B4GALT5: variants seen among roughly 807,000 people sequenced by gnomAD.
B4GALT5 encodes beta-1,4-galactosyltransferase 5.
Under a neutral mutation model 45.0 loss-of-function variants are expected in B4GALT5, and 11 were observed. The observed-to-expected ratio is 0.24, with a 90% CI of 0.15 to 0.40. The LOEUF (loss-of-function observed/expected upper bound fraction) is 0.40, where lower values mean the gene tolerates loss of function less well. B4GALT5 is among the 10% of genes least tolerant of loss of function. The pLI is 1.00. For missense variants in B4GALT5, 337 were observed against 500.2 expected, an observed-to-expected ratio of 0.67 and a Z score of 3.11; for synonymous variants, 185 against 182.9, an observed-to-expected ratio of 1.01 and a Z score of -0.09.
At chr20:49,712,532 G>C (rs1274903859) in intron 1 of B4GALT5, among the ~76,000 whole-genome samples, 1 of 152,130 alleles carries the variant, frequency 6.6e-6, no homozygotes, top group Non-Finnish European at 1.5e-5. Flanking sequence ...ACTTTGAAAA[G>C]AAGGAGTACC....
At chr20:49,644,931 A>AT (rs934690700) in intron 3 of B4GALT5, among the ~76,000 whole-genome samples, 12 of 152,316 alleles carry the variant, frequency 7.9e-5, no homozygotes, top group African/African-American at 2.9e-4. Context: ...TTAAAAAAAA[A>AT]CAATTTTAAA....
At chr20:49,676,398 C>T (rs976569135) in intron 1 of B4GALT5, among the ~76,000 whole-genome samples, 1 of 152,152 alleles carries the variant, frequency 6.6e-6, no homozygotes, top group Admixed American at 6.5e-5. Context: ...ATGATGCTCA[C>T]AGCAGGACAC....
At chr20:49,654,321 G>A (rs2085633360) in intron 2 of B4GALT5, among the ~76,000 whole-genome samples, 1 of 152,194 alleles carries the variant, frequency 6.6e-6, no homozygotes, top group Non-Finnish European at 1.5e-5. Flanking sequence ...AGAGCCACAT[G>A]AGTCGAGTGA....
At chr20:49,699,313 A>C (rs1259376659) in intron 1 of B4GALT5, among the ~76,000 whole-genome samples, 1 of 151,224 alleles carries the variant, frequency 6.6e-6, no homozygotes, top group Non-Finnish European at 1.5e-5. Context: ...TGTACGACAC[A>C]AAGTGCTTAA....
At position 49,694,646 on chromosome 20, in the gene B4GALT5, G is replaced by GGGAAAA. The variant is rs1458240102; in HGVS notation, c.115+18929_115+18930insTTTTCC. Reference sequence around the variant, plus strand: ...AGCAAGGCCCTGCTGAGAAGGGAAAGGGAAAGGGAAAAGGAAAGGGAAAGG... The same window carrying GGGAAAA: ...AGCAAGGCCCTGCTGAGAAGGGAAAGGGAAAAGGAAAGGGAAAAGGAAAGGGAAAGG... On this transcript the variant is annotated intron_variant, in intron 1 of 8. Coordinates refer to ENST00000371711, the MANE Select transcript of B4GALT5 (RefSeq NM_004776.4). 7.8e-3 allele frequency among the ~76,000 whole-genome samples: 794 copies of GGGAAAA among 101,894 alleles called. 9 individuals are homozygous for GGGAAAA. Among genetic ancestry groups the GGGAAAA allele is most frequent in the African/African-American group, 0.027 (757 of 27,952 alleles). The allele number at this position is 101,894 out of a possible 152,430, so 66.8% of individuals were successfully genotyped here.
At chr20:49,689,274 A>C (rs1217237347) in intron 1 of B4GALT5, among the ~76,000 whole-genome samples, 1 of 152,210 alleles carries the variant, frequency 6.6e-6, no homozygotes, top group Admixed American at 6.5e-5. Flanking sequence ...AATGAGAAAG[A>C]TAAGAGAGAT....
At chr20:49,687,929 T>C (rs1468330209) in intron 1 of B4GALT5, among the ~76,000 whole-genome samples, 2 of 151,514 alleles carry the variant, frequency 1.3e-5, no homozygotes, top group African/African-American at 4.9e-5. Context: ...TGGAGAACTG[T>C]GGAAGCTACT....
rs145964571 is a variant in B4GALT5 at position 49,682,009 on chromosome 20, G to A, written c.116-25307C>T. On this transcript the variant is annotated intron_variant, in intron 1 of 8. Transcript: ENST00000371711. ...TCCTTGGGAGGCTAAAGTGGGAGGAGCATTTGAGCCTTTGAGGTTGAGGTT... is the reference window on the plus strand; with the variant it reads ...TCCTTGGGAGGCTAAAGTGGGAGGAACATTTGAGCCTTTGAGGTTGAGGTT... 3.5e-3 allele frequency among the ~76,000 whole-genome samples: 528 copies of A among 152,314 alleles called. 7 individuals are homozygous for A. The highest frequency in any genetic ancestry group is 0.02 in the Admixed American group (303 of 15,294).
At chr20:49,640,395 T>C (rs1322379828) in intron 6 of B4GALT5, 83 bp downstream of exon 6, 6 of 1,259,152 alleles carry the variant, frequency 4.8e-6, no homozygotes, top group Non-Finnish European at 6.5e-6. Context: ...GGCATCTAGG[T>C]TGCAGCTAAT....
intron 1 of B4GALT5, chr20:49,684,596 G>C (rs749400939): frequency 3.9e-6 from 2 of 518,712 alleles, no homozygotes; most frequent in African/African-American, 3.9e-5. Flanking sequence ...ACTGAAAGAG[G>C]CCACATATCA....
chr20:49,650,561 C>A (rs138343002), intron 2 of B4GALT5, among the ~76,000 whole-genome samples: 1 of 151,806 alleles, frequency 6.6e-6, no homozygotes, highest in African/African-American at 2.4e-5. Flanking sequence ...CGCTTGAACC[C>A]AGGAGGCAGA....
intron 1 of B4GALT5, 147 bp downstream of exon 1, chr20:49,713,429 C>A (rs2085928581): frequency 1.4e-6 from 1 of 724,460 alleles, no homozygotes; most frequent in Non-Finnish European, 2.2e-6. Flanking sequence ...TCCTGGCGTC[C>A]CCGAGAGCCG....
At chr20:49,649,090 T>C (rs1237300129) in intron 2 of B4GALT5, among the ~76,000 whole-genome samples, 1 of 152,204 alleles carries the variant, frequency 6.6e-6, no homozygotes, top group Non-Finnish European at 1.5e-5. Flanking sequence ...CTTTTATATA[T>C]GCACACGGCT....
chr20:49,707,049 G>T (rs968697998), intron 1 of B4GALT5, among the ~76,000 whole-genome samples: 1 of 152,086 alleles, frequency 6.6e-6, no homozygotes, highest in Non-Finnish European at 1.5e-5. Flanking sequence ...CAGCTGGGGC[G>T]GGGGGAGTTG....
At chr20:49,686,387 T>C (rs958160347) in intron 1 of B4GALT5, among the ~76,000 whole-genome samples, 3 of 152,194 alleles carry the variant, frequency 2.0e-5, no homozygotes, top group Admixed American at 6.5e-5. Flanking sequence ...AGAACTGCTC[T>C]GCAGAAGCCC....
At chr20:49,639,291 GTTTT>G (rs952036545) in intron 7 of B4GALT5, among the ~76,000 whole-genome samples, 3 of 151,958 alleles carry the variant, frequency 2.0e-5, no homozygotes, top group Non-Finnish European at 4.4e-5. Flanking sequence ...TATACAGTTT[GTTTT>G]TTAAGATATT....
intron 1 of B4GALT5, among the ~76,000 whole-genome samples, chr20:49,707,071 G>A (rs1420562197): frequency 6.6e-6 from 1 of 152,098 alleles, no homozygotes; most frequent in Non-Finnish European, 1.5e-5. Context: ...TGCTGGAACA[G>A]AATCATCTGC....
intron 1 of B4GALT5, among the ~76,000 whole-genome samples, chr20:49,683,385 AT>A (rs66503719): frequency 0.2 from 19,701 of 96,916 alleles, 1,257 homozygotes; most frequent in Non-Finnish European, 0.28. Flanking sequence ...ACAGGTTTAA[AT>A]TTTTTTTTTT....
At chr20:49,681,640 A>T (rs1600547440) in intron 1 of B4GALT5, among the ~76,000 whole-genome samples, 1 of 152,318 alleles carries the variant, frequency 6.6e-6, no homozygotes, top group East Asian at 1.9e-4. Context: ...AAACCAGATC[A>T]CTGTCCTTCC....
Sources: allele counts gnomAD v4.1 joint callset (sites outside exome capture counted in the v4.1 genomes callset), GRCh38; gene constraint gnomAD v4.1.1; transcripts MANE v1.5; gene names NCBI Gene and HGNC (gene_info 2026-07-23, HGNC 2026-07-21).